SOX5: variants seen among roughly 807,000 people sequenced by gnomAD.
The protein encoded by SOX5 is transcription factor SOX-5.
In SOX5, 9 loss-of-function variants were observed where a neutral mutation model predicts 92.0. The ratio of observed to expected loss-of-function variants is 0.10; its 90% CI spans 0.06 to 0.17. The LOEUF (loss-of-function observed/expected upper bound fraction) is 0.17, where lower values mean the gene tolerates loss of function less well. Among genes scored for constraint, SOX5 ranks in the 10% least tolerant of loss-of-function variants. The pLI is 1.00. For synonymous variants in SOX5, 344 were observed against 336.3 expected, an observed-to-expected ratio of 1.02 and a Z score of -0.25; for missense variants, 642 against 944.5, an observed-to-expected ratio of 0.68 and a Z score of 4.20.
intron 4 of SOX5, among the ~76,000 whole-genome samples, chr12:24,039,764 A>G (rs1956352229): frequency 6.6e-6 from 1 of 152,196 alleles, no homozygotes; most frequent in African/African-American, 2.4e-5. Context: ...AAATGAAAAA[A>G]GTACCAGGAG....
At chr12:23,794,166 G>C (rs2095523418) in intron 3 of SOX5, among the ~76,000 whole-genome samples, 1 of 152,004 alleles carries the variant, frequency 6.6e-6, no homozygotes, top group Non-Finnish European at 1.5e-5. Flanking sequence ...GATATGAAGA[G>C]TTTTATTGAT....
upstream of SOX5, among the ~76,000 whole-genome samples, chr12:23,954,542 T>C (rs1946052899): frequency 6.6e-6 from 1 of 152,076 alleles, no homozygotes; most frequent in Admixed American, 6.5e-5. Flanking sequence ...GAGCTCACTA[T>C]TGACCTATCA....
Position 24,093,218 on chromosome 12 carries a change from T to C in SOX5, c.-2+120125A>G, listed in dbSNP as rs568737296. 5.9e-5 allele frequency among the ~76,000 whole-genome samples: 9 copies of C among 152,130 alleles called. No homozygotes were observed. The East Asian group carries it at 1.7e-3, about 29-fold the overall frequency. ...AGTCAAAATGTCACTGAATTGGATG[T>C]TCTATAAAAAACCTTCAAAGCGGCT... On this transcript the variant is annotated intron_variant, in intron 4 of 4. Transcript: ENST00000446891.
chr12:23,846,312 CT>C, intron 2 of SOX5, 119 bp from the exon 3 acceptor site: 1 of 822,130 alleles, frequency 1.2e-6, no homozygotes, highest in Non-Finnish European at 1.9e-6. Context: ...AATTCAGTAA[CT>C]TTAAAAAATT....
At position 24,120,162 on chromosome 12, in the gene SOX5, T is replaced by C. The variant is rs182925910; in HGVS notation, c.-2+93181A>G. ...GTATCTTTCGGTGAGCATATGTATG[T>C]ATTTCTGTTGGATATACACTCAGAA... is the stretch of plus-strand genomic sequence containing the variant. On this transcript the variant is annotated intron_variant, in intron 4 of 4. Transcript: ENST00000446891. 2.8e-3 allele frequency among the ~76,000 whole-genome samples: 423 copies of C among 152,312 alleles called. 5 individuals carry two copies. The highest frequency in any genetic ancestry group is 3.6e-3 in the Non-Finnish European group (248 of 68,008).
chr12:24,343,913 C>G (rs914527446), intron 2 of SOX5, among the ~76,000 whole-genome samples: 2 of 152,118 alleles, frequency 1.3e-5, no homozygotes, highest in African/African-American at 4.8e-5. Context: ...GGCAAAAAAT[C>G]TTAGTACTAC....
intron 2 of SOX5, among the ~76,000 whole-genome samples, chr12:23,869,854 G>A (rs1372972996): frequency 6.6e-6 from 1 of 151,976 alleles, no homozygotes; most frequent in African/African-American, 2.4e-5. Context: ...CCATTCATCT[G>A]TAATACTCCC....
Position 24,287,592 on chromosome 12 carries a change from C to CTTTTT in SOX5, c.-173-10285_-173-10281dup, listed in dbSNP as rs763973565. Among the ~76,000 whole-genome samples, 123 of 79,682 alleles carry CTTTTT rather than the reference C, an allele frequency of 1.5e-3. 3 individuals carry two copies. The highest frequency in any genetic ancestry group is 3.0e-3 in the East Asian group (6 of 1,970). 52.3% of individuals were successfully genotyped at this position (79,682 alleles called of 152,430 possible). A position where few individuals can be genotyped will look rare whatever the true frequency, so the allele number is the denominator to read the frequency against. ...TCTTAAAAACAGTGATTCTCAAATC[C>CTTTTT]TTTTTTTTTTTTTTTTTTTTTTTTT... On this transcript the variant is annotated intron_variant, in intron 2 of 4. Coordinates refer to the SOX5 transcript ENST00000446891.
rs546044476 is a variant in SOX5 at position 24,241,762 on chromosome 12, C to T, written c.-76-28345G>A. ...AGCTCTGGCAAACAAGCAAAGTTGCCATTTGTAGAATATCGATATTCTGGA... is the reference window on the plus strand; with the variant it reads ...AGCTCTGGCAAACAAGCAAAGTTGCTATTTGTAGAATATCGATATTCTGGA... On this transcript the variant is annotated intron_variant, in intron 3 of 4. Transcript: ENST00000446891. Among the ~76,000 whole-genome samples, 6 of 152,152 alleles carry T rather than the reference C, an allele frequency of 3.9e-5. No homozygotes were observed. In the East Asian group the frequency reaches 1.2e-3, roughly 29 times the overall value.
At chr12:23,806,616 C>T (rs1468583430) in intron 3 of SOX5, among the ~76,000 whole-genome samples, 1 of 143,244 alleles carries the variant, frequency 7.0e-6, no homozygotes, top group African/African-American at 2.6e-5. Flanking sequence ...AAAACTTTTC[C>T]TAAAACAAGA....
intron 9 of SOX5, among the ~76,000 whole-genome samples, chr12:23,586,807 A>AT (rs1032507191): frequency 3.3e-5 from 5 of 151,814 alleles, no homozygotes; most frequent in African/African-American, 1.2e-4. Context: ...CAAAGCAATT[A>AT]TTTGTCACTT....
At chr12:24,465,085 G>T (rs1047107057) in intron 1 of SOX5, among the ~76,000 whole-genome samples, 22 of 152,200 alleles carry the variant, frequency 1.4e-4, no homozygotes, top group Admixed American at 6.5e-4. Flanking sequence ...CAGTAATTGT[G>T]TGAAGGGCTT....
At chr12:24,347,897 C>G (rs1040375447) in intron 2 of SOX5, among the ~76,000 whole-genome samples, 15 of 151,876 alleles carry the variant, frequency 9.9e-5, no homozygotes, top group African/African-American at 3.6e-4. Context: ...CCGACCTGGC[C>G]CCAGAAAACT....
In SOX5 at chr12:24,361,660, C is replaced by T. The variant is rs931702107; in HGVS notation, c.-174+6903G>A. Reference sequence around the variant, plus strand: ...GCATGTGTGTGTGCGCATGCACGTGCGCACACGCACATGTGCATAAATATA... The same window carrying T: ...GCATGTGTGTGTGCGCATGCACGTGTGCACACGCACATGTGCATAAATATA... On this transcript the variant is annotated intron_variant, in intron 2 of 4. Transcript: ENST00000446891. Among the ~76,000 whole-genome samples, 11 of 151,802 alleles carry T rather than the reference C, an allele frequency of 7.2e-5. No individual in the cohort carries two copies. The South Asian group carries it at 1.0e-3, about 14-fold the overall frequency.
chr12:24,117,817 C>G (rs1593315027), intron 4 of SOX5, among the ~76,000 whole-genome samples: 1 of 151,844 alleles, frequency 6.6e-6, no homozygotes, highest in African/African-American at 2.4e-5. Flanking sequence ...GCGAGGGATT[C>G]AAGACCAGCC....
At chr12:23,928,884 A>C (rs1432531201) in intron 1 of SOX5, among the ~76,000 whole-genome samples, 1 of 151,946 alleles carries the variant, frequency 6.6e-6, no homozygotes, top group Non-Finnish European at 1.5e-5. Flanking sequence ...ATGGGTGTTT[A>C]ATTTTTATTA....
At chr12:24,532,490 G>C (rs1257253278) in intron 1 of SOX5, among the ~76,000 whole-genome samples, 1 of 152,174 alleles carries the variant, frequency 6.6e-6, no homozygotes, top group Non-Finnish European at 1.5e-5. Flanking sequence ...CGTGGACACA[G>C]ACCCAGGAGC....
chr12:23,855,147 T>C (rs998471471), intron 2 of SOX5, among the ~76,000 whole-genome samples: 3 of 152,042 alleles, frequency 2.0e-5, no homozygotes, highest in African/African-American at 7.2e-5. Flanking sequence ...CTGCCAAATA[T>C]AGAATATGCC....
rs532376021 is a variant in SOX5, at chr12:24,393,058, G to A, written c.-250-24419C>T. ...AGAGGCTTCAATCTTGAGTGTGTGG[G>A]GGCATAAGTATTTTTTTCTTTTCTA... is the stretch of plus-strand genomic sequence containing the variant. On this transcript the variant is annotated intron_variant, in intron 1 of 4. Transcript: ENST00000446891. This position sits in a 1 kb window ranked among gnomAD's most constrained non-coding sequence, Gnocchi z 5.0. Among the ~76,000 whole-genome samples the A allele has an allele frequency of 3.9e-5, 6 of 152,170 alleles. No homozygotes were observed. Among genetic ancestry groups the A allele is most frequent in the Non-Finnish European group, 7.4e-5 (5 of 67,996 alleles).
Sources: allele counts gnomAD v4.1 joint callset (sites outside exome capture counted in the v4.1 genomes callset), GRCh38; gene constraint gnomAD v4.1.1; non-coding constraint Gnocchi (gnomAD v3.1); transcripts MANE v1.5; gene names NCBI Gene and HGNC (gene_info 2026-07-23, HGNC 2026-07-21).